The following CTNNA3 variants were observed in gnomAD, a reference collection of about 807,000 sequenced individuals.
CTNNA3 encodes catenin alpha 3, also known as catenin alpha-3.
A neutral mutation model predicts 95.7 loss-of-function variants in CTNNA3; 76 were observed. That is an observed-to-expected ratio of 0.79 (90% confidence interval 0.66 to 0.96). The LOEUF is 0.96. Ranked by LOEUF, CTNNA3 falls within the 40% of genes least tolerant of loss-of-function variation. CTNNA3 has a pLI of 0.00. For missense variants in CTNNA3, 1,191 were observed against 1,089.8 expected (o/e 1.09, Z -1.31); for synonymous variants, 431 against 374.4 (o/e 1.15, Z -1.74).
intron 14 of CTNNA3, among the ~76,000 whole-genome samples, chr10:66,070,562 T>A (rs1589323870): frequency 6.6e-6 from 1 of 152,134 alleles, no homozygotes; most frequent in African/African-American, 2.4e-5. Context: ...GAATAAATAG[T>A]GCTGAATATA....
intron 1 of CTNNA3, among the ~76,000 whole-genome samples, chr10:67,742,474 C>A (rs1841346230): frequency 6.6e-6 from 1 of 151,056 alleles, no homozygotes; most frequent in African/African-American, 2.4e-5. Context: ...ACACAACATA[C>A]CAGAATCTCT....
chr10:67,461,992 G>A lies in CTNNA3; in HGVS notation c.579+59850C>T, dbSNP rs553553514. 2.6e-5 allele frequency among the ~76,000 whole-genome samples: 4 copies of A among 152,280 alleles called. No homozygotes were observed. The South Asian group carries it at 8.3e-4, about 32-fold the overall frequency. ...TTTTTAATCACAGCTACTTATGTTT[G>A]CATTAGCCAAATTCCTCATTATATT... On this transcript the variant is annotated intron_variant, in intron 5 of 17. Coordinates refer to ENST00000433211, the MANE Select transcript of CTNNA3 (RefSeq NM_013266.4).
chr10:67,762,997 G>T (rs1027413628), intron 1 of CTNNA3, among the ~76,000 whole-genome samples: 10 of 152,116 alleles, frequency 6.6e-5, no homozygotes, highest in African/African-American at 2.4e-4. Flanking sequence ...TTTTTCAGAC[G>T]TTAAGTCTTG....
chr10:66,996,894 G>C (rs1018058870), intron 7 of CTNNA3, among the ~76,000 whole-genome samples: 2 of 152,066 alleles, frequency 1.3e-5, no homozygotes, highest in Non-Finnish European at 2.9e-5. Context: ...TTATCCACCT[G>C]TTGACAGTCT....
At chr10:66,475,264 C>A (rs1373352692) in intron 11 of CTNNA3, among the ~76,000 whole-genome samples, 1 of 151,932 alleles carries the variant, frequency 6.6e-6, no homozygotes. Flanking sequence ...ACAAAATCAG[C>A]TCAAAATGGA....
intron 7 of CTNNA3, among the ~76,000 whole-genome samples, chr10:66,855,072 T>C (rs549184685): frequency 6.6e-6 from 1 of 152,076 alleles, no homozygotes; most frequent in East Asian, 1.9e-4. Flanking sequence ...GTCAATATTA[T>C]ATTGAATAAC....
chr10:67,022,931 G>A (rs1210454217), intron 7 of CTNNA3, among the ~76,000 whole-genome samples: 2 of 151,988 alleles, frequency 1.3e-5, no homozygotes, highest in Admixed American at 6.6e-5. Flanking sequence ...GAGTAAGACT[G>A]TGTCTCAAAA....
intron 13 of CTNNA3, among the ~76,000 whole-genome samples, chr10:66,125,372 C>G (rs969763524): frequency 5.3e-5 from 8 of 152,044 alleles, no homozygotes; most frequent in Non-Finnish European, 1.2e-4. Flanking sequence ...GATGACCCTA[C>G]TACCCAGAAA....
chr10:66,721,882 G>A (rs1338043386), intron 9 of CTNNA3, among the ~76,000 whole-genome samples: 1 of 152,050 alleles, frequency 6.6e-6, no homozygotes, highest in Non-Finnish European at 1.5e-5. Flanking sequence ...TTACAGATTA[G>A]GAGGAAAAAA....
intron 9 of CTNNA3, among the ~76,000 whole-genome samples, chr10:66,660,188 C>A (rs1007131430): frequency 1.3e-5 from 2 of 152,030 alleles, no homozygotes; most frequent in Non-Finnish European, 2.9e-5. Context: ...CTTACCTGCC[C>A]ATTTGCTCAT....
intron 7 of CTNNA3, among the ~76,000 whole-genome samples, chr10:66,804,536 T>C (rs946200796): frequency 6.6e-6 from 1 of 152,098 alleles, no homozygotes; most frequent in Admixed American, 6.6e-5. Flanking sequence ...TTGCCTTTTT[T>C]CTTTGAACAA....
chr10:67,682,777 A>C (rs1445601526), intron 1 of CTNNA3, among the ~76,000 whole-genome samples: 1 of 152,232 alleles, frequency 6.6e-6, no homozygotes, highest in Non-Finnish European at 1.5e-5. Context: ...ATGAACAAGC[A>C]TATTCATTGC....
At chr10:66,327,501 G>T (rs74141448) in intron 12 of CTNNA3, among the ~76,000 whole-genome samples, 9,335 of 152,072 alleles carry the variant, frequency 0.061, 436 homozygotes, top group East Asian at 0.2. Flanking sequence ...AAAGAATTTA[G>T]AAATGTCCTT....
intron 7 of CTNNA3, among the ~76,000 whole-genome samples, chr10:67,009,523 TTTTG>T (rs142693561): frequency 0.01 from 1,583 of 152,154 alleles, 27 homozygotes; most frequent in African/African-American, 0.035. Flanking sequence ...TTTTCAGGCT[TTTTG>T]TTTGTTTGTT....
chr10:67,749,529 C>T (rs1187148913), intron 1 of CTNNA3, among the ~76,000 whole-genome samples: 1 of 152,184 alleles, frequency 6.6e-6, no homozygotes, highest in Non-Finnish European at 1.5e-5. Flanking sequence ...CACACAACTA[C>T]ATGGAAATTG....
intron 7 of CTNNA3, among the ~76,000 whole-genome samples, chr10:66,983,140 T>C (rs116404237): frequency 1.3e-5 from 2 of 152,180 alleles, no homozygotes; most frequent in African/African-American, 2.4e-5. Context: ...TAAAAACTAA[T>C]GAGCAAATTT....
chr10:66,266,512 T>A (rs1224525875), intron 13 of CTNNA3, among the ~76,000 whole-genome samples: 3 of 152,106 alleles, frequency 2.0e-5, no homozygotes, highest in African/African-American at 7.2e-5. Context: ...ACTTGCATTT[T>A]GATTAGCAAT....
chr10:66,214,316 C>T lies in CTNNA3; in HGVS notation c.1884+66154G>A, dbSNP rs367692828. ...TTGTGTAACTGCAAGCAGAGGGTTACATCTCCACCTAGCATATAAAATGGA... is the reference window on the plus strand; with the variant it reads ...TTGTGTAACTGCAAGCAGAGGGTTATATCTCCACCTAGCATATAAAATGGA... On this transcript the variant is annotated intron_variant, in intron 13 of 17. Transcript: ENST00000433211. 4.4e-4 allele frequency among the ~76,000 whole-genome samples: 67 copies of T among 152,316 alleles called. 1 individual carries two copies. The South Asian group carries it at 0.014, about 31-fold the overall frequency.
In CTNNA3 at chr10:67,160,270, TA is replaced by T. The variant is rs1861477964; in HGVS notation, c.1047+20046del. Reference sequence around the variant, plus strand: ...AAGGAATGCTTGTACACTATTGATATAAATGTAAAATGATGTCACAGCTATG... The same window carrying T: ...AAGGAATGCTTGTACACTATTGATATAATGTAAAATGATGTCACAGCTATG... On this transcript the variant is annotated intron_variant, in intron 7 of 17. Transcript: ENST00000433211. Among the ~76,000 whole-genome samples the T allele has an allele frequency of 2.6e-5, 4 of 152,174 alleles. No individual in the cohort carries two copies. In the South Asian group the frequency reaches 8.3e-4, roughly 32 times the overall value.
Sources: allele counts gnomAD v4.1 joint callset (sites outside exome capture counted in the v4.1 genomes callset), GRCh38; gene constraint gnomAD v4.1.1; transcripts MANE v1.5; gene names NCBI Gene and HGNC (gene_info 2026-07-23, HGNC 2026-07-21).